The following ABCB11 variants were observed in gnomAD, a reference collection of about 807,000 sequenced individuals.
The protein encoded by ABCB11 is bile salt export pump.
Under a neutral mutation model 148.0 loss-of-function variants are expected in ABCB11, and 95 were observed. The observed-to-expected ratio is 0.64, with a 90% confidence interval of 0.54 to 0.76. The LOEUF (loss-of-function observed/expected upper bound fraction) is 0.76. Ranked by LOEUF, ABCB11 falls within the 30% of genes least tolerant of loss-of-function variation. The pLI, the probability that ABCB11 is intolerant of heterozygous loss-of-function variation, is 0.00. For missense variants in ABCB11, 1,523 were observed against 1,617.8 expected (o/e 0.94, Z 1.01); for synonymous variants, 591 against 555.4 (o/e 1.06, Z -0.90).
chr2:168,948,500 G>GTTTT (rs3084035), intron 19 of ABCB11, among the ~76,000 whole-genome samples: 1 of 150,088 alleles, frequency 6.7e-6, no homozygotes. Context: ...TGATGAGTGG[G>GTTTT]TTTTTTTTTG....
rs751634104 is a variant in ABCB11, at chr2:168,970,221, T to C, written c.1639-6A>G. 3.5e-5 allele frequency: 57 copies of C among 1,610,186 alleles called. No individual in the cohort carries two copies. The highest frequency in any genetic ancestry group is 4.8e-5 in the Non-Finnish European group (56 of 1,177,844). ...CCAACAAGGGTGTCAAATTGCTAGA[T>C]GGAAGGTGACACCAGTCATGAAGGG... On this transcript the variant is annotated splice_region_variant and splice_polypyrimidine_tract_variant and intron_variant, in intron 14 of 27. Coordinates refer to ENST00000650372, the MANE Select transcript of ABCB11 (RefSeq NM_003742.4).
chr2:169,029,724 C>CTTTTTTTTTTTTTTT (rs1166356679), intron 1 of ABCB11, among the ~76,000 whole-genome samples: 8 of 88,298 alleles, frequency 9.1e-5, no homozygotes, highest in African/African-American at 4.6e-4. Flanking sequence ...GTTCTTTCCT[C>CTTTTTTTTTTTTTTT]TTTTTTTTTT....
intron 10 of ABCB11, among the ~76,000 whole-genome samples, chr2:168,984,587 G>A (rs2105993108): frequency 6.6e-6 from 1 of 152,230 alleles, no homozygotes; most frequent in South Asian, 2.1e-4. Context: ...ACATTTATTA[G>A]TATATATCTT....
chr2:168,933,254 A>C (rs908147740), intron 23 of ABCB11, among the ~76,000 whole-genome samples: 1 of 152,204 alleles, frequency 6.6e-6, no homozygotes, highest in Admixed American at 6.5e-5. Flanking sequence ...TATAATAGGT[A>C]TATAAAAGAT....
At position 169,010,721 on chromosome 2, in the gene ABCB11, C is replaced by T. The variant is rs749775246; in HGVS notation, c.389+2551G>A. 9.9e-5 allele frequency among the ~76,000 whole-genome samples: 15 copies of T among 152,208 alleles called. No homozygotes were observed. The South Asian group carries it at 1.5e-3, about 15-fold the overall frequency. ...CTGTCCCACCCAAGTCATAAGATCG[C>T]GGTGATCTTACCATAAAACAGCTAA... On this transcript the variant is annotated intron_variant, in intron 5 of 27. Transcript: ENST00000650372.
chr2:168,997,149 G>C (rs1694743824), intron 5 of ABCB11, among the ~76,000 whole-genome samples: 1 of 152,000 alleles, frequency 6.6e-6, no homozygotes, highest in Non-Finnish European at 1.5e-5. Flanking sequence ...AAGCCAGACA[G>C]GCTGTCTGAA....
rs566439829 is a variant in ABCB11 at position 168,971,269 on chromosome 2, T to C, written c.1638+578A>G. 1.9e-4 allele frequency among the ~76,000 whole-genome samples: 29 copies of C among 152,166 alleles called. No homozygotes were observed. The South Asian group carries it at 6.0e-3, about 32-fold the overall frequency. On this transcript the variant is annotated intron_variant, in intron 14 of 27. Coordinates refer to ENST00000650372, the MANE Select transcript of ABCB11 (RefSeq NM_003742.4). ...AGTGCTTAGAACAGTGCCTGGTATG[T>C]AGTAAGAACCGTATACGTGTTAACC...
chr2:168,933,833 C>T (rs1691695915), intron 23 of ABCB11, among the ~76,000 whole-genome samples: 1 of 152,142 alleles, frequency 6.6e-6, no homozygotes, highest in Admixed American at 6.5e-5. Context: ...TAGCCTCTGC[C>T]TCCTGGGTTC....
At chr2:169,015,738 A>G (rs1478805937) in intron 3 of ABCB11, among the ~76,000 whole-genome samples, 1 of 152,120 alleles carries the variant, frequency 6.6e-6, no homozygotes, top group African/African-American at 2.4e-5. Context: ...AAAGTGATAG[A>G]TTATCACTAG....
Position 169,005,618 on chromosome 2 carries a change from G to C in ABCB11, c.389+7654C>G, listed in dbSNP as rs1353683338. 2.6e-5 allele frequency among the ~76,000 whole-genome samples: 4 copies of C among 152,054 alleles called. No individual in the cohort carries two copies. In the East Asian group the frequency reaches 7.7e-4, roughly 29 times the overall value. On this transcript the variant is annotated intron_variant, in intron 5 of 27. Coordinates refer to ENST00000650372, the MANE Select transcript of ABCB11 (RefSeq NM_003742.4). Reference sequence around the variant, plus strand: ...TGACCAGGGCTGAAAATTTGCCCCAGACCACAAGCCTCCCCATTGAGAAAG... The same window carrying C: ...TGACCAGGGCTGAAAATTTGCCCCACACCACAAGCCTCCCCATTGAGAAAG...
At chr2:168,963,487 G>C (rs1183646333) in intron 18 of ABCB11, among the ~76,000 whole-genome samples, 1 of 151,748 alleles carries the variant, frequency 6.6e-6, no homozygotes, top group Non-Finnish European at 1.5e-5. Context: ...GAAAGGCTTG[G>C]AGGAGAATGG....
chr2:169,018,298 C>A (rs1021525254), intron 1 of ABCB11, 146 bp from the exon 2 acceptor site: 4 of 686,482 alleles, frequency 5.8e-6, no homozygotes, highest in South Asian at 3.9e-5. Flanking sequence ...GTTAATAACT[C>A]CCTGAAAGAG....
chr2:169,006,836 A>C (rs889906148), intron 5 of ABCB11, among the ~76,000 whole-genome samples: 10 of 152,220 alleles, frequency 6.6e-5, no homozygotes, highest in Non-Finnish European at 1.2e-4. Context: ...ATACGTAGCA[A>C]TCAATTTAAC....
rs537899170 is a variant in ABCB11 at position 169,003,653 on chromosome 2, C to G, written c.390-6931G>C. Among the ~76,000 whole-genome samples the G allele has an allele frequency of 3.3e-5, 5 of 152,142 alleles. No homozygotes were observed. In the East Asian group the frequency reaches 9.7e-4, roughly 29 times the overall value. On this transcript the variant is annotated intron_variant, in intron 5 of 27. Coordinates refer to ENST00000650372, the MANE Select transcript of ABCB11 (RefSeq NM_003742.4). Reference sequence around the variant, plus strand: ...TCAAACGGTAGATCTACGTTTACTTCTTTAAGGAATCACACACTGTTTTCC... The same window carrying G: ...TCAAACGGTAGATCTACGTTTACTTGTTTAAGGAATCACACACTGTTTTCC...
rs780324076 is a variant in ABCB11, at chr2:168,970,219, G to A, written c.1639-4C>T. On this transcript the variant is annotated splice_region_variant and splice_polypyrimidine_tract_variant and intron_variant, in intron 14 of 27. Coordinates refer to ENST00000650372, the MANE Select transcript of ABCB11 (RefSeq NM_003742.4). ...CTCCAACAAGGGTGTCAAATTGCTA[G>A]ATGGAAGGTGACACCAGTCATGAAG... The A allele has an allele frequency of 1.7e-5, 28 of 1,610,066 alleles. No homozygotes were observed. The highest frequency in any genetic ancestry group is 1.6e-4 in the Middle Eastern group (1 of 6,066).
rs1233309886 is a variant in ABCB11 at position 168,925,107 on chromosome 2, T to C, written c.3619-304A>G. Among the ~76,000 whole-genome samples, 3 of 152,334 alleles carry C rather than the reference T, an allele frequency of 2.0e-5. No homozygotes were observed. In the East Asian group the frequency reaches 5.8e-4, roughly 29 times the overall value. The stretch of plus-strand genomic sequence containing the variant: ...ACATAAGAGCCCATATATGAGATCC[T>C]CCTTGATTTGAGACTCTCTGATTCT... On this transcript the variant is annotated intron_variant, in intron 26 of 27. Transcript: ENST00000650372.
At chr2:168,932,046 G>A (rs929912372) in intron 24 of ABCB11, among the ~76,000 whole-genome samples, 2 of 152,050 alleles carry the variant, frequency 1.3e-5, no homozygotes, top group African/African-American at 4.8e-5. Context: ...TGGGGTAGAT[G>A]TGTAGAATGT....
At chr2:168,949,061 G>C (rs1398054550) in intron 19 of ABCB11, among the ~76,000 whole-genome samples, 1 of 151,546 alleles carries the variant, frequency 6.6e-6, no homozygotes, top group Non-Finnish European at 1.5e-5. Flanking sequence ...GTAAACCTGG[G>C]CCCTAGTCCT....
intron 5 of ABCB11, among the ~76,000 whole-genome samples, chr2:169,006,940 ATTG>A (rs1164129261): frequency 6.6e-6 from 1 of 152,214 alleles, no homozygotes; most frequent in Non-Finnish European, 1.5e-5. Flanking sequence ...AAGACTTAAT[ATTG>A]TTAAGACGGC....
Sources: allele counts gnomAD v4.1 joint callset (sites outside exome capture counted in the v4.1 genomes callset), GRCh38; gene constraint gnomAD v4.1.1; transcripts MANE v1.5; gene names NCBI Gene and HGNC (gene_info 2026-07-23, HGNC 2026-07-21).